MAMDC2: variants seen among roughly 807,000 people sequenced by gnomAD.
MAMDC2 encodes the protein MAM domain containing 2.
Under a neutral mutation model 89.8 loss-of-function variants are expected in MAMDC2, and 57 were observed. The ratio of observed to expected loss-of-function variants is 0.63; its 90% confidence interval spans 0.51 to 0.79. The LOEUF (loss-of-function observed/expected upper bound fraction) is 0.79. Ranked by LOEUF, MAMDC2 falls within the 30% of genes least tolerant of loss-of-function variation. MAMDC2 has a pLI of 0.00. For synonymous variants in MAMDC2, 313 were observed against 293.4 expected (o/e 1.07, Z -0.68); for missense variants, 800 against 820.6 (o/e 0.97, Z 0.31).
intron 5 of MAMDC2, among the ~76,000 whole-genome samples, chr9:70,124,834 T>C (rs1054934477): frequency 2.0e-5 from 3 of 152,116 alleles, no homozygotes; most frequent in African/African-American, 4.8e-5. Context: ...GCCTCCCTAA[T>C]AGCTAAGACC....
chr9:70,059,291 C>A (rs1827094174), intron 2 of MAMDC2, among the ~76,000 whole-genome samples: 1 of 152,164 alleles, frequency 6.6e-6, no homozygotes, highest in South Asian at 2.1e-4. Context: ...GGCATACGAG[C>A]ATGCGTCTCT....
At chr9:70,093,594 T>A (rs1221991795) in intron 2 of MAMDC2, among the ~76,000 whole-genome samples, 1 of 147,192 alleles carries the variant, frequency 6.8e-6, no homozygotes, top group Non-Finnish European at 1.5e-5. Flanking sequence ...CCCGGCTAAT[T>A]TTTTTTTTTT....
chr9:70,057,040 A>G (rs1827039849), intron 2 of MAMDC2, among the ~76,000 whole-genome samples: 2 of 152,164 alleles, frequency 1.3e-5, no homozygotes, highest in South Asian at 2.1e-4. Flanking sequence ...TACATTATGT[A>G]TTGCAATGAA....
At chr9:70,099,536 T>C (rs191553408) in intron 2 of MAMDC2, among the ~76,000 whole-genome samples, 2 of 152,292 alleles carry the variant, frequency 1.3e-5, no homozygotes, top group African/African-American at 4.8e-5. Flanking sequence ...TTGTCCAGGC[T>C]GCTTTGATTA....
At chr9:70,155,281 T>C (rs944284946) in intron 9 of MAMDC2, among the ~76,000 whole-genome samples, 1 of 152,172 alleles carries the variant, frequency 6.6e-6, no homozygotes, top group African/African-American at 2.4e-5. Flanking sequence ...AACTTGACCC[T>C]CCCTGCCTCA....
chr9:70,086,182 C>T (rs967373457), intron 2 of MAMDC2: 8 of 152,100 alleles, frequency 5.3e-5, no homozygotes, highest in African/African-American at 1.9e-4. Context: ...TTTAAACTTG[C>T]ATACAGTGTC....
intron 5 of MAMDC2, among the ~76,000 whole-genome samples, chr9:70,125,438 A>G (rs1381298628): frequency 6.6e-6 from 1 of 152,192 alleles, no homozygotes; most frequent in Non-Finnish European, 1.5e-5. Flanking sequence ...TTTCTCTTCA[A>G]TGCTAAGTCA....
chr9:70,221,370 T>TAG (rs1274916631), intron 12 of MAMDC2, among the ~76,000 whole-genome samples: 1 of 7,158 alleles, frequency 1.4e-4, no homozygotes, highest in African/African-American at 3.8e-4. Flanking sequence ...TATATATATA[T>TAG]ATATATATAT....
chr9:70,173,736 C>A (rs943737610), intron 11 of MAMDC2, among the ~76,000 whole-genome samples: 8 of 152,046 alleles, frequency 5.3e-5, no homozygotes, highest in African/African-American at 1.7e-4. Flanking sequence ...GAAGAGAAGA[C>A]ATAGAAAAAT....
intron 2 of MAMDC2, chr9:70,089,191 CAG>C (rs1827835226): frequency 6.6e-6 from 1 of 152,090 alleles, no homozygotes; most frequent in Non-Finnish European, 1.5e-5. Flanking sequence ...TCATGGTTAA[CAG>C]AGAGAGTAAA....
chr9:70,120,616 A>G (rs781250536), intron 5 of MAMDC2, among the ~76,000 whole-genome samples: 1 of 152,196 alleles, frequency 6.6e-6, no homozygotes, highest in Non-Finnish European at 1.5e-5. Flanking sequence ...ACACTTGTAG[A>G]GCTGGGGTAG....
intron 11 of MAMDC2, among the ~76,000 whole-genome samples, chr9:70,192,470 G>A (rs887509586): frequency 1.3e-5 from 2 of 152,084 alleles, no homozygotes; most frequent in Admixed American, 1.3e-4. Flanking sequence ...TGTTCTGACT[G>A]TTCTGCCCAA....
intron 11 of MAMDC2, among the ~76,000 whole-genome samples, chr9:70,196,729 G>A (rs943589547): frequency 3.9e-5 from 6 of 152,198 alleles, no homozygotes; most frequent in Non-Finnish European, 8.8e-5. Flanking sequence ...TCATAAAAGT[G>A]CAAAGAAGGC....
intron 9 of MAMDC2, among the ~76,000 whole-genome samples, chr9:70,145,878 A>T (rs2031388047): frequency 6.6e-6 from 1 of 152,182 alleles, no homozygotes; most frequent in South Asian, 2.1e-4. Context: ...GAAGATTAAG[A>T]TATGTAAGCA....
intron 2 of MAMDC2, among the ~76,000 whole-genome samples, chr9:70,052,495 A>G (rs904130308): frequency 6.6e-6 from 1 of 152,200 alleles, no homozygotes; most frequent in African/African-American, 2.4e-5. Context: ...TTCTTAAAAC[A>G]TTCCATAACT....
intron 11 of MAMDC2, among the ~76,000 whole-genome samples, chr9:70,197,736 A>C (rs1377558686): frequency 6.6e-6 from 1 of 152,158 alleles, no homozygotes; most frequent in Non-Finnish European, 1.5e-5. Flanking sequence ...AAACAAAACA[A>C]AACAAAAACC....
intron 6 of MAMDC2, among the ~76,000 whole-genome samples, chr9:70,130,150 C>T (rs568236714): frequency 2.7e-4 from 41 of 151,908 alleles, no homozygotes; most frequent in Non-Finnish European, 4.4e-4. Flanking sequence ...ATTACATTTG[C>T]GGTGACCCTA....
intron 2 of MAMDC2, among the ~76,000 whole-genome samples, chr9:70,107,394 A>T (rs1488207554): frequency 1.3e-5 from 2 of 152,164 alleles, no homozygotes; most frequent in Non-Finnish European, 2.9e-5. Flanking sequence ...GGGAAAGGGG[A>T]ATAAGAAGAC....
chr9:70,168,702 G>T lies in MAMDC2; in HGVS notation c.1405G>T (p.Val469Leu). ...ITFKKPMPTK[V>L]VFMSLCKSFW... ...ATAGCTTTATTTTTATGAATTTCAG[G>T]TGGTTTTCATGAGCCTATGCAAAAG... The change falls in exon 10 of 14, where the codon GTG becomes TTG. Residue 469 changes from valine to leucine, a missense_variant and splice_region_variant. By Grantham distance (32) the Val-to-Leu change is conservative. Coordinates refer to ENST00000377182, the MANE Select transcript of MAMDC2 (RefSeq NM_153267.5). The T allele has an allele frequency of 6.2e-7, 1 of 1,612,432 alleles. No individual in the cohort carries two copies. Among genetic ancestry groups the T allele is most frequent in the Non-Finnish European group, 8.5e-7 (1 of 1,178,658 alleles).
Sources: gnomAD v4.1 joint callset for allele counts (sites outside exome capture counted in the v4.1 genomes callset) on GRCh38, gnomAD v4.1.1 for gene constraint, MANE v1.5 for transcripts, NCBI Gene and HGNC (gene_info 2026-07-23, HGNC 2026-07-21) for gene names.